The following FCHSD2 variants were observed in gnomAD, a reference collection of about 807,000 sequenced individuals.
FCHSD2 encodes F-BAR and double SH3 domains protein 2.
A neutral mutation model predicts 108.1 loss-of-function variants in FCHSD2; 38 were observed. That is an observed-to-expected ratio of 0.35 (90% CI 0.27 to 0.46). The LOEUF (loss-of-function observed/expected upper bound fraction) is 0.46, where lower values mean the gene tolerates loss of function less well. Ranked by LOEUF, FCHSD2 falls within the 20% of genes least tolerant of loss-of-function variation. The pLI, the probability that FCHSD2 is intolerant of heterozygous loss-of-function variation, is 1.00. For synonymous variants in FCHSD2, 279 were observed against 314.7 expected, an observed-to-expected ratio of 0.89 and a Z score of 1.20; for missense variants, 751 against 897.8, an observed-to-expected ratio of 0.84 and a Z score of 2.09.
chr11:72,933,553 C>G (rs995289361), intron 8 of FCHSD2, among the ~76,000 whole-genome samples: 12 of 152,148 alleles, frequency 7.9e-5, no homozygotes, highest in African/African-American at 2.9e-4. Flanking sequence ...CAAAAGACTT[C>G]TTACTAAAGA....
chr11:72,943,259 C>A (rs1181771973), intron 8 of FCHSD2, among the ~76,000 whole-genome samples: 1 of 152,200 alleles, frequency 6.6e-6, no homozygotes, highest in Admixed American at 6.5e-5. Flanking sequence ...TCCCAAAGTG[C>A]TGGGATTACA....
At chr11:73,054,576 AG>A (rs1858978505) in intron 3 of FCHSD2, among the ~76,000 whole-genome samples, 1 of 151,350 alleles carries the variant, frequency 6.6e-6, no homozygotes, top group South Asian at 2.1e-4. Flanking sequence ...AAAGAATCCC[AG>A]ACACATAACA....
chr11:73,042,035 T>G (rs1252137904), intron 3 of FCHSD2, among the ~76,000 whole-genome samples: 1 of 152,168 alleles, frequency 6.6e-6, no homozygotes, highest in Non-Finnish European at 1.5e-5. Flanking sequence ...CAAGTGATTC[T>G]CCTGCCTTGA....
intron 3 of FCHSD2, among the ~76,000 whole-genome samples, chr11:73,035,696 T>TTTATTTATTTA (rs745334765): frequency 1.7e-4 from 22 of 125,936 alleles, no homozygotes; most frequent in East Asian, 4.9e-4. Flanking sequence ...AATGTTCAGT[T>TTTATTTATTTA]TTTATTTATT....
At chr11:72,890,953 G>A (rs1855301955) in intron 10 of FCHSD2, among the ~76,000 whole-genome samples, 1 of 152,118 alleles carries the variant, frequency 6.6e-6, no homozygotes, top group African/African-American at 2.4e-5. Context: ...CAGCAAAATT[G>A]TAGAATGAAA....
intron 3 of FCHSD2, among the ~76,000 whole-genome samples, chr11:73,070,817 A>G (rs1859419377): frequency 6.6e-6 from 1 of 152,066 alleles, no homozygotes; most frequent in Non-Finnish European, 1.5e-5. Flanking sequence ...TAACTAACCA[A>G]CACCTCAGTG....
chr11:72,914,094 A>C (rs1016035988), intron 9 of FCHSD2, among the ~76,000 whole-genome samples: 1 of 152,120 alleles, frequency 6.6e-6, no homozygotes. Context: ...AGCTCGCTGC[A>C]AACTGCGCTT....
chr11:73,025,521 G>C (rs989012923), intron 3 of FCHSD2, among the ~76,000 whole-genome samples: 4 of 151,916 alleles, frequency 2.6e-5, no homozygotes, highest in African/African-American at 4.8e-5. Context: ...GAGATAATGA[G>C]AAAAAAATAA....
chr11:73,062,837 G>C lies in FCHSD2; in HGVS notation c.165+20858C>G, dbSNP rs533635857. 1.6e-4 allele frequency among the ~76,000 whole-genome samples: 25 copies of C among 152,332 alleles called. No homozygotes were observed. The South Asian group carries it at 5.0e-3, about 30-fold the overall frequency. ...TTGGTGTATCTGAAAGGGACAAGGA[G>C]AATGGAACCCAGTTGGAAAACACAC... is the stretch of plus-strand genomic sequence containing the variant. On this transcript the variant is annotated intron_variant, in intron 3 of 19. Coordinates refer to ENST00000409418, the MANE Select transcript of FCHSD2 (RefSeq NM_014824.3).
chr11:72,886,682 CACA>C (rs1302014105), intron 12 of FCHSD2, among the ~76,000 whole-genome samples: 4 of 152,148 alleles, frequency 2.6e-5, no homozygotes, highest in Middle Eastern at 3.2e-3. Context: ...TGGCCCTAAC[CACA>C]ACAAGTTTAC....
At chr11:73,100,640 G>C (rs1269297371) in intron 2 of FCHSD2, among the ~76,000 whole-genome samples, 1 of 152,088 alleles carries the variant, frequency 6.6e-6, no homozygotes, top group Non-Finnish European at 1.5e-5. Flanking sequence ...TGGGATTACA[G>C]GTGTGAGCCA....
At position 73,077,882 on chromosome 11, in the gene FCHSD2, T is replaced by A. The variant is rs559082008; in HGVS notation, c.165+5813A>T. 6.6e-5 allele frequency among the ~76,000 whole-genome samples: 10 copies of A among 152,340 alleles called. No homozygotes were observed. The South Asian group carries it at 1.9e-3, about 28-fold the overall frequency. ...CCAAAATTTATCAAATTATAAATTG[T>A]GTGGCTTATTGTGTATCAACTACAT... On this transcript the variant is annotated intron_variant, in intron 3 of 19. Coordinates refer to ENST00000409418, the MANE Select transcript of FCHSD2 (RefSeq NM_014824.3).
chr11:72,892,331 GGA>G (rs1256774308), intron 10 of FCHSD2, among the ~76,000 whole-genome samples: 2 of 152,138 alleles, frequency 1.3e-5, no homozygotes, highest in Non-Finnish European at 2.9e-5. Context: ...GCCACTGATT[GGA>G]AGATGTGGCT....
At chr11:72,866,839 C>T (rs1854738098) in intron 13 of FCHSD2, among the ~76,000 whole-genome samples, 1 of 152,182 alleles carries the variant, frequency 6.6e-6, no homozygotes, top group African/African-American at 2.4e-5. Flanking sequence ...GCTAGCAAGC[C>T]TGCCTGATAT....
At chr11:73,000,948 G>A (rs1327983530) in intron 5 of FCHSD2, 42 bp downstream of exon 5, 1 of 1,518,152 alleles carries the variant, frequency 6.6e-7, no homozygotes, top group Non-Finnish European at 9.0e-7. Flanking sequence ...ATGTAGCACT[G>A]GGATATTAAA....
chr11:72,999,888 A>G (rs72982846), intron 5 of FCHSD2, among the ~76,000 whole-genome samples: 2 of 102,806 alleles, frequency 1.9e-5, no homozygotes, highest in African/African-American at 7.0e-5. Context: ...CACACACACA[A>G]ACACACACAC....
At chr11:72,927,817 CACCAATAGGT>C (rs1856106716) in intron 8 of FCHSD2, among the ~76,000 whole-genome samples, 1 of 152,224 alleles carries the variant, frequency 6.6e-6, no homozygotes, top group Non-Finnish European at 1.5e-5. Flanking sequence ...GGGTCAAGAG[CACCAATAGGT>C]ACTGTTACTG....
intron 12 of FCHSD2, among the ~76,000 whole-genome samples, chr11:72,883,371 C>A (rs1004010078): frequency 5.3e-5 from 8 of 151,974 alleles, no homozygotes; most frequent in Non-Finnish European, 5.9e-5. Context: ...AAAAGGTAAG[C>A]CAAAGACTGG....
chr11:72,876,489 A>G (rs1044639367), intron 12 of FCHSD2, among the ~76,000 whole-genome samples: 5 of 152,338 alleles, frequency 3.3e-5, no homozygotes, highest in Admixed American at 3.3e-4. Context: ...TTTTCTAGCC[A>G]TCTTTCTATT....
Sources: gnomAD v4.1 joint callset for allele counts (sites outside exome capture counted in the v4.1 genomes callset) on GRCh38, gnomAD v4.1.1 for gene constraint, MANE v1.5 for transcripts, NCBI Gene and HGNC (gene_info 2026-07-23, HGNC 2026-07-21) for gene names.